Variants in IQCM observed in about 807,000 individuals in gnomAD.
The protein encoded by IQCM is IQ domain-containing protein M.
Under a neutral mutation model 57.6 loss-of-function variants are expected in IQCM, and 45 were observed. The ratio of observed to expected loss-of-function variants is 0.78; its 90% CI spans 0.62 to 1.00. The LOEUF (loss-of-function observed/expected upper bound fraction) is 1.00. Among genes scored for constraint, IQCM ranks in the 50% least tolerant of loss-of-function variants. The pLI is 0.00. For synonymous variants in IQCM, 148 were observed against 158.9 expected (o/e 0.93, Z 0.51); for missense variants, 468 against 511.6 (o/e 0.91, Z 0.82).
intron 2 of IQCM, among the ~76,000 whole-genome samples, chr4:149,746,893 C>CA (rs921452800): frequency 5.7e-4 from 87 of 151,546 alleles, no homozygotes; most frequent in African/African-American, 2.0e-3. Flanking sequence ...AGAAGAAAAC[C>CA]AAAAAAAAGG....
At chr4:149,795,755 C>G (rs1420455658) in intron 2 of IQCM, among the ~76,000 whole-genome samples, 4 of 152,172 alleles carry the variant, frequency 2.6e-5, no homozygotes, top group African/African-American at 7.2e-5. Flanking sequence ...GGATAAGGCA[C>G]TGGTCAGAAC....
intron 5 of IQCM, chr4:149,691,085 G>A (rs1293758293): frequency 6.6e-6 from 1 of 152,058 alleles, no homozygotes; most frequent in Non-Finnish European, 1.5e-5. Flanking sequence ...TTAAGTTTGA[G>A]TCTTAAAAAT....
chr4:149,493,802 C>T lies in IQCM; in HGVS notation c.1228+54653G>A, dbSNP rs908676930. Among the ~76,000 whole-genome samples the T allele has an allele frequency of 2.0e-5, 3 of 150,736 alleles. No homozygotes were observed. The East Asian group carries it at 5.8e-4, about 29-fold the overall frequency. On this transcript the variant is annotated intron_variant, in intron 12 of 13. Transcript: ENST00000636793. ...ATTCAAGTGCTGTTGCTGCTGCAAA[C>T]GCTGTCCTTCACTGAGGAGAAAAAA...
intron 5 of IQCM, among the ~76,000 whole-genome samples, chr4:149,730,105 A>C (rs1766323585): frequency 6.6e-6 from 1 of 152,188 alleles, no homozygotes; most frequent in Non-Finnish European, 1.5e-5. Context: ...ACCATTATAT[A>C]AGATGCATCT....
intron 7 of IQCM, among the ~76,000 whole-genome samples, chr4:149,660,706 A>T (rs1278848745): frequency 6.6e-6 from 1 of 152,076 alleles, no homozygotes; most frequent in Non-Finnish European, 1.5e-5. Context: ...ATTGGAAATC[A>T]TCATTCTCAG....
intron 12 of IQCM, among the ~76,000 whole-genome samples, chr4:149,473,185 C>T (rs140222456): frequency 0.15 from 23,451 of 152,076 alleles, 2,182 homozygotes; most frequent in South Asian, 0.33. Context: ...AGTGAACAGG[C>T]GACCTACAGA....
intron 12 of IQCM, among the ~76,000 whole-genome samples, chr4:149,450,337 G>A (rs1736974448): frequency 6.6e-6 from 1 of 151,674 alleles, no homozygotes; most frequent in Non-Finnish European, 1.5e-5. Context: ...ATAAGAACAG[G>A]CAACCAAAGC....
At chr4:149,506,995 G>A (rs1743886382) in intron 12 of IQCM, among the ~76,000 whole-genome samples, 1 of 152,144 alleles carries the variant, frequency 6.6e-6, no homozygotes, top group Non-Finnish European at 1.5e-5. Context: ...AGGGACCTGG[G>A]GGCAGGTCTT....
At chr4:149,629,471 A>C (rs1422738312) in intron 7 of IQCM, among the ~76,000 whole-genome samples, 1 of 152,144 alleles carries the variant, frequency 6.6e-6, no homozygotes, top group East Asian at 1.9e-4. Context: ...AATTCAAACT[A>C]AATCACCTGA....
At position 149,660,050 on chromosome 4, in the gene IQCM, C is replaced by T. The variant is rs1369369139; in HGVS notation, c.565+22068G>A. ...ACCATCAGAGTGAACAGGCAACCCA[C>T]AAAATGGGAGAAAATTTTTGCAACC... On this transcript the variant is annotated intron_variant, in intron 7 of 13. Coordinates refer to ENST00000636793, the MANE Select transcript of IQCM (RefSeq NM_001363507.2). Among the ~76,000 whole-genome samples, 4 of 151,324 alleles carry T rather than the reference C, an allele frequency of 2.6e-5. 1 individual carries two copies. In the South Asian group the frequency reaches 6.3e-4, roughly 24 times the overall value.
chr4:149,492,473 C>T (rs891434978), intron 12 of IQCM, among the ~76,000 whole-genome samples: 2 of 152,112 alleles, frequency 1.3e-5, no homozygotes, highest in Admixed American at 1.3e-4. Flanking sequence ...TTGGTACTAA[C>T]CTACACAAGT....
chr4:149,572,187 G>T (rs1219869554), intron 9 of IQCM, among the ~76,000 whole-genome samples: 3 of 151,944 alleles, frequency 2.0e-5, no homozygotes, highest in Non-Finnish European at 4.4e-5. Context: ...ACAAGCAAAA[G>T]GGACTGGCTT....
rs144108431 is a variant in IQCM at position 149,481,292 on chromosome 4, C to T, written c.1229-47735G>A. ...CATTTATCAATTTTTGCTTTGGTTGCCTATGCTTGTGGAGTATTACTCAAT... is the reference window on the plus strand; with the variant it reads ...CATTTATCAATTTTTGCTTTGGTTGTCTATGCTTGTGGAGTATTACTCAAT... On this transcript the variant is annotated intron_variant, in intron 12 of 13. Coordinates refer to ENST00000636793, the MANE Select transcript of IQCM (RefSeq NM_001363507.2). Among the ~76,000 whole-genome samples, 155 of 152,134 alleles carry T rather than the reference C, an allele frequency of 1.0e-3. 1 individual carries two copies. The highest frequency in any genetic ancestry group is 3.6e-3 in the African/African-American group (149 of 41,522).
At chr4:149,712,569 C>A (rs151196637) in intron 5 of IQCM, among the ~76,000 whole-genome samples, 3 of 152,236 alleles carry the variant, frequency 2.0e-5, no homozygotes, top group African/African-American at 7.2e-5. Flanking sequence ...TCTCAAGAAG[C>A]CTACTGTTTT....
chr4:149,594,231 T>G (rs909350075), intron 8 of IQCM, among the ~76,000 whole-genome samples: 24 of 152,218 alleles, frequency 1.6e-4, no homozygotes, highest in African/African-American at 5.1e-4. Flanking sequence ...CTCGATTTTC[T>G]AGTTCATTTG....
At chr4:149,728,339 G>T (rs1429101805) in intron 5 of IQCM, among the ~76,000 whole-genome samples, 1 of 152,126 alleles carries the variant, frequency 6.6e-6, no homozygotes, top group Non-Finnish European at 1.5e-5. Flanking sequence ...TACTTGTGAT[G>T]TACTCTCAAT....
At chr4:149,767,668 T>C (rs774078765) in intron 2 of IQCM, among the ~76,000 whole-genome samples, 85 of 152,124 alleles carry the variant, frequency 5.6e-4, no homozygotes, top group Non-Finnish European at 9.6e-4. Flanking sequence ...CCCTCACTGA[T>C]TATGTTGGTG....
intron 9 of IQCM, among the ~76,000 whole-genome samples, chr4:149,582,334 A>T (rs1402286421): frequency 3.2e-5 from 1 of 31,596 alleles, no homozygotes; most frequent in Non-Finnish European, 9.3e-5. Flanking sequence ...ATATATATAT[A>T]TATATATATA....
At chr4:149,531,862 T>C (rs1746781839) in intron 12 of IQCM, among the ~76,000 whole-genome samples, 1 of 152,150 alleles carries the variant, frequency 6.6e-6, no homozygotes, top group Non-Finnish European at 1.5e-5. Flanking sequence ...TGTCCATTTC[T>C]CCTGACTCAT....
Sources: allele counts gnomAD v4.1 joint callset (sites outside exome capture counted in the v4.1 genomes callset), GRCh38; gene constraint gnomAD v4.1.1; transcripts MANE v1.5; gene names NCBI Gene and HGNC (gene_info 2026-07-23, HGNC 2026-07-21).